Variants in SEMA5A observed in about 807,000 individuals in gnomAD.
The protein encoded by SEMA5A is semaphorin-5A.
Under a neutral mutation model 135.5 loss-of-function variants are expected in SEMA5A, and 55 were observed. The ratio of observed to expected loss-of-function variants is 0.41; its 90% CI spans 0.33 to 0.51. SEMA5A has a LOEUF of 0.51. Ranked by LOEUF, SEMA5A falls within the 20% of genes least tolerant of loss-of-function variation. The pLI, the probability that SEMA5A is intolerant of heterozygous loss-of-function variation, is 0.37. For synonymous variants in SEMA5A, 580 were observed against 546.5 expected, an observed-to-expected ratio of 1.06 and a Z score of -0.85; for missense variants, 1,290 against 1,419.9, an observed-to-expected ratio of 0.91 and a Z score of 1.47.
chr5:9,262,978 A>T (rs1171170616), intron 5 of SEMA5A, among the ~76,000 whole-genome samples: 1 of 150,174 alleles, frequency 6.7e-6, no homozygotes, highest in East Asian at 1.9e-4. Flanking sequence ...TAAAAATAAA[A>T]TTTTAAATAA....
chr5:9,122,984 G>C (rs1187613396), intron 13 of SEMA5A, 147 bp from the exon 14 acceptor site: 2 of 688,122 alleles, frequency 2.9e-6, no homozygotes, highest in Non-Finnish European at 4.5e-6. Flanking sequence ...GGCCAGGCGC[G>C]GTGGTTCACG....
chr5:9,358,210 C>T (rs2126353614), intron 3 of SEMA5A, among the ~76,000 whole-genome samples: 1 of 152,288 alleles, frequency 6.6e-6, no homozygotes, highest in East Asian at 1.9e-4. Flanking sequence ...CAGTCAGCAT[C>T]TCTAACATGA....
chr5:9,119,141 C>T lies in SEMA5A; in HGVS notation c.1782G>A (p.Arg594=), dbSNP rs1740677398. The part of the protein sequence containing the change: ...GPGMEIANCS[R]NGGWTPWTSW... ...AGGTCCAGGGAGTCCAGCCTCCGTT[C>T]CTGAGGGAAGGGAAGCAATGCAATC... The change falls in exon 15 of 23, where the codon AGG becomes AGA. Residue 594 remains arginine, a splice_region_variant and synonymous_variant. Transcript: ENST00000382496. 1 of 1,613,314 alleles carries T rather than the reference C, an allele frequency of 6.2e-7. No individual in the cohort carries two copies. Among genetic ancestry groups the T allele is most frequent in the Non-Finnish European group, 8.5e-7 (1 of 1,179,768 alleles).
At chr5:9,361,795 T>G (rs1354801355) in intron 3 of SEMA5A, among the ~76,000 whole-genome samples, 1 of 152,212 alleles carries the variant, frequency 6.6e-6, no homozygotes, top group Non-Finnish European at 1.5e-5. Context: ...ATTCTGTCAC[T>G]GATTGTTCTG....
rs184392865 is a variant in SEMA5A, at chr5:9,444,239, A to C, written c.-174-6387T>G. The stretch of plus-strand genomic sequence containing the variant: ...AAAGGTGGTGTTTGGTTACATGAGT[A>C]AGTGTAACCAAACTTTTGTGGTGAC... On this transcript the variant is annotated intron_variant, in intron 1 of 22. Transcript: ENST00000382496. 1.8e-4 allele frequency among the ~76,000 whole-genome samples: 27 copies of C among 152,108 alleles called. No homozygotes were observed. In the East Asian group the frequency reaches 4.2e-3, roughly 24 times the overall value.
chr5:9,243,368 C>T (rs1342009731), intron 5 of SEMA5A, among the ~76,000 whole-genome samples: 1 of 152,126 alleles, frequency 6.6e-6, no homozygotes, highest in African/African-American at 2.4e-5. Flanking sequence ...CTTATAAGGA[C>T]ACCGGCCACT....
At chr5:9,079,448 A>G (rs1213531730) in intron 16 of SEMA5A, among the ~76,000 whole-genome samples, 1 of 152,170 alleles carries the variant, frequency 6.6e-6, no homozygotes, top group African/African-American at 2.4e-5. Context: ...AAATGCCCAC[A>G]AGAGAAAGTA....
At chr5:9,103,669 T>A (rs922187578) in intron 16 of SEMA5A, among the ~76,000 whole-genome samples, 1 of 152,242 alleles carries the variant, frequency 6.6e-6, no homozygotes, top group Non-Finnish European at 1.5e-5. Flanking sequence ...TTGTAAATTA[T>A]TTTTGCTGTA....
chr5:9,285,990 G>C (rs1750775668), intron 5 of SEMA5A, among the ~76,000 whole-genome samples: 1 of 152,146 alleles, frequency 6.6e-6, no homozygotes, highest in Non-Finnish European at 1.5e-5. Context: ...GTATATGCTT[G>C]TATCAAAATA....
At chr5:9,215,200 C>T (rs555884795) in intron 8 of SEMA5A, among the ~76,000 whole-genome samples, 1 of 152,260 alleles carries the variant, frequency 6.6e-6, no homozygotes, top group South Asian at 2.1e-4. Flanking sequence ...GATGATATGG[C>T]TGATATAGGA....
chr5:9,502,352 A>G (rs1009775095), intron 1 of SEMA5A, among the ~76,000 whole-genome samples: 6 of 152,364 alleles, frequency 3.9e-5, no homozygotes, highest in Non-Finnish European at 5.9e-5. Flanking sequence ...GGAATTATCC[A>G]CAGATATATA....
intron 2 of SEMA5A, among the ~76,000 whole-genome samples, chr5:9,385,062 T>C (rs866945998): frequency 6.6e-6 from 1 of 152,224 alleles, no homozygotes; most frequent in African/African-American, 2.4e-5. Context: ...TATGAAGATT[T>C]ATTCTAGAAA....
intron 19 of SEMA5A, 111 bp from the exon 20 acceptor site, chr5:9,052,139 T>C: frequency 8.5e-7 from 1 of 1,180,140 alleles, no homozygotes; most frequent in Non-Finnish European, 1.2e-6. Flanking sequence ...TTCCATAGCA[T>C]ATTTTTAATG....
chr5:9,503,804 A>G (rs1384457181), intron 1 of SEMA5A, among the ~76,000 whole-genome samples: 1 of 152,240 alleles, frequency 6.6e-6, no homozygotes, highest in African/African-American at 2.4e-5. Context: ...TCATAGATTT[A>G]TTTAAAACCC....
chr5:9,299,439 G>C (rs2150605999), intron 5 of SEMA5A, among the ~76,000 whole-genome samples: 1 of 152,302 alleles, frequency 6.6e-6, no homozygotes, highest in Non-Finnish European at 1.5e-5. Context: ...CCAGGAGAAA[G>C]GCAAGTTGGG....
chr5:9,086,672 A>G (rs1738713459), intron 16 of SEMA5A, among the ~76,000 whole-genome samples: 1 of 152,218 alleles, frequency 6.6e-6, no homozygotes, highest in Non-Finnish European at 1.5e-5. Flanking sequence ...CTGGAGCAAC[A>G]TTAGCCAGGA....
At chr5:9,370,314 G>T (rs1755083356) in intron 3 of SEMA5A, among the ~76,000 whole-genome samples, 1 of 152,202 alleles carries the variant, frequency 6.6e-6, no homozygotes, top group Non-Finnish European at 1.5e-5. Context: ...CCTCTCTAAG[G>T]CACACCCAGA....
rs140249749 is a variant in SEMA5A, at chr5:9,088,026, G to A, written c.2073+20114C>T. 8.3e-4 allele frequency among the ~76,000 whole-genome samples: 126 copies of A among 152,186 alleles called. No homozygotes were observed. The Middle Eastern group carries it at 0.014, about 16-fold the overall frequency. On this transcript the variant is annotated intron_variant, in intron 16 of 22. Coordinates refer to ENST00000382496, the MANE Select transcript of SEMA5A (RefSeq NM_003966.3). ...ACAGTGGCCGGGCGTGGTGGCTCAC[G>A]CCTATAATCCCAGCAAAAGTGCAAA...
intron 16 of SEMA5A, among the ~76,000 whole-genome samples, chr5:9,090,233 A>T (rs1224478626): frequency 6.6e-6 from 1 of 152,160 alleles, no homozygotes; most frequent in Non-Finnish European, 1.5e-5. Context: ...ACACAAAGGC[A>T]CTTTCAGGAT....
Sources: allele counts gnomAD v4.1 joint callset (sites outside exome capture counted in the v4.1 genomes callset), GRCh38; gene constraint gnomAD v4.1.1; transcripts MANE v1.5; gene names NCBI Gene and HGNC (gene_info 2026-07-23, HGNC 2026-07-21).